DIAPH2: variants seen among roughly 807,000 people sequenced by gnomAD.
The protein encoded by DIAPH2 is protein diaphanous homolog 2.
In DIAPH2, 35 loss-of-function variants were observed where a neutral mutation model predicts 92.7. That is an observed-to-expected ratio of 0.38 (90% CI 0.29 to 0.50). The LOEUF is 0.50. Among genes scored for constraint, DIAPH2 ranks in the 20% least tolerant of loss-of-function variants. DIAPH2 has a pLI of 0.94. For missense variants in DIAPH2, 701 were observed against 819.5 expected (o/e 0.86, Z 1.77); for synonymous variants, 301 against 280.4 (o/e 1.07, Z -0.73).
intron 26 of DIAPH2, among the ~76,000 whole-genome samples, chrX:97,496,239 G>A (rs760521968): frequency 2.1e-5 from 2 of 95,173 alleles, no homozygotes; most frequent in African/African-American, 3.9e-5. Context: ...GCAATGGCGC[G>A]ATCTTGGCTC....
chrX:97,157,844 A>G (rs771599068), intron 22 of DIAPH2, among the ~76,000 whole-genome samples: 42 of 112,412 alleles, frequency 3.7e-4, no homozygotes, highest in African/African-American at 1.3e-3. Context: ...TGTTCTGTCT[A>G]TATTTCTGTT....
At chrX:97,107,375 G>A (rs892022475) in intron 20 of DIAPH2, among the ~76,000 whole-genome samples, 20 of 111,152 alleles carry the variant, frequency 1.8e-4, no homozygotes, top group African/African-American at 6.2e-4. Flanking sequence ...TCTAATGTAC[G>A]AACATTTGGC....
intron 17 of DIAPH2, among the ~76,000 whole-genome samples, chrX:96,974,981 C>T (rs1018883556): frequency 9.0e-5 from 10 of 111,263 alleles, no homozygotes; most frequent in Non-Finnish European, 1.5e-4. Context: ...TTTAATGTTG[C>T]TTGGAGGAAA....
chrX:96,806,195 A>G (rs917100678), intron 4 of DIAPH2, among the ~76,000 whole-genome samples: 10 of 111,855 alleles, frequency 8.9e-5, no homozygotes, highest in Non-Finnish European at 1.7e-4. Context: ...ACAAATTTCT[A>G]CCTCAGTATC....
intron 17 of DIAPH2, among the ~76,000 whole-genome samples, chrX:97,057,821 G>A (rs1245194289): frequency 9.0e-6 from 1 of 111,438 alleles, no homozygotes; most frequent in Non-Finnish European, 1.9e-5. Context: ...GAGTTGTCAT[G>A]TTTCTTTGTT....
chrX:97,413,898 A>G (rs1158171589), intron 25 of DIAPH2, among the ~76,000 whole-genome samples: 1 of 111,687 alleles, frequency 9.0e-6, no homozygotes, highest in Admixed American at 9.5e-5. Context: ...ACGAAATAGA[A>G]GAGGACACAA....
intron 22 of DIAPH2, among the ~76,000 whole-genome samples, chrX:97,146,341 CTT>C (rs1241834821): frequency 9.8e-6 from 1 of 102,397 alleles, no homozygotes; most frequent in African/African-American, 3.5e-5. Context: ...AAAAGATTGT[CTT>C]TTTTTTTTTA....
In DIAPH2 at chrX:97,348,274, G is replaced by A. The variant is rs1336685004; in HGVS notation, c.3003G>A (p.Leu1001=). 3.3e-6 allele frequency: 4 copies of A among 1,198,504 alleles called. No individual in the cohort carries two copies. The highest frequency in any genetic ancestry group is 3.4e-6 in the Non-Finnish European group (3 of 890,398). The part of the protein sequence containing the change: ...FFGDLNNFRT[L]FLEAVRENNK... The stretch of plus-strand genomic sequence containing the variant: ...GTGATCTCAACAACTTCCGAACTTT[G>A]TTTTTGGTAAGTAATACATCTTAAA... Residue 1001 remains leucine, a synonymous_variant, in exon 24 of 27, where the codon TTG becomes TTA. Coordinates refer to ENST00000324765, the MANE Select transcript of DIAPH2 (RefSeq NM_006729.5).
chrX:97,593,493 A>C (rs2071530682), intron 26 of DIAPH2, among the ~76,000 whole-genome samples: 1 of 111,209 alleles, frequency 9.0e-6, no homozygotes, highest in African/African-American at 3.3e-5. Flanking sequence ...AAAAAAAACA[A>C]GTTAAACCTT....
intron 26 of DIAPH2, among the ~76,000 whole-genome samples, chrX:97,567,658 A>G (rs2071336604): frequency 1.8e-5 from 2 of 111,662 alleles, no homozygotes; most frequent in Non-Finnish European, 3.8e-5. Flanking sequence ...TTCCGAGCCC[A>G]GGACAGTGGT....
At chrX:97,035,837 T>G (rs2147882129) in intron 17 of DIAPH2, among the ~76,000 whole-genome samples, 1 of 110,245 alleles carries the variant, frequency 9.1e-6, no homozygotes, top group Non-Finnish European at 1.9e-5. Flanking sequence ...GGTGAGACCC[T>G]GTCTCTACAA....
At chrX:96,694,494 C>T (rs2063814779) in intron 1 of DIAPH2, among the ~76,000 whole-genome samples, 1 of 110,616 alleles carries the variant, frequency 9.0e-6, no homozygotes. Context: ...GCATGCACCA[C>T]CACGCCCAGC....
chrX:97,385,450 C>A (rs1235582063), intron 25 of DIAPH2, among the ~76,000 whole-genome samples: 1 of 110,900 alleles, frequency 9.0e-6, no homozygotes, highest in Non-Finnish European at 1.9e-5. Flanking sequence ...CCAGGCTGGT[C>A]TCGAACTCCT....
rs776822201 is a variant in DIAPH2, at chrX:96,819,104, G to C, written c.447+60846G>C. On this transcript the variant is annotated intron_variant, in intron 4 of 26. Coordinates refer to ENST00000324765, the MANE Select transcript of DIAPH2 (RefSeq NM_006729.5). Reference sequence around the variant, plus strand: ...GCCCGCTGCTCACCTCCTGCTGTGAGGTATGGTTCCTAACAAGCCACAGTA... The same window carrying C: ...GCCCGCTGCTCACCTCCTGCTGTGACGTATGGTTCCTAACAAGCCACAGTA... 5.3e-5 allele frequency among the ~76,000 whole-genome samples: 6 copies of C among 112,347 alleles called. 1 individual carries two copies. The South Asian group carries it at 2.3e-3, about 42-fold the overall frequency.
chrX:96,876,269 G>C (rs1323923596), intron 4 of DIAPH2, among the ~76,000 whole-genome samples: 3 of 111,570 alleles, frequency 2.7e-5, no homozygotes, highest in African/African-American at 9.8e-5. Context: ...AACAGGTGCT[G>C]GAGAGGATGT....
chrX:96,927,717 A>C (rs2065593451), intron 9 of DIAPH2, among the ~76,000 whole-genome samples: 2 of 111,435 alleles, frequency 1.8e-5, no homozygotes, highest in African/African-American at 6.5e-5. Context: ...ATGTGTTCAC[A>C]TGCATATACA....
chrX:97,307,368 G>A (rs1370659359), intron 23 of DIAPH2, among the ~76,000 whole-genome samples: 1 of 111,163 alleles, frequency 9.0e-6, no homozygotes, highest in Non-Finnish European at 1.9e-5. Context: ...AAACACTCCT[G>A]CACTTCATCT....
chrX:97,211,963 A>G (rs867347379), intron 22 of DIAPH2, among the ~76,000 whole-genome samples: 1 of 111,762 alleles, frequency 8.9e-6, no homozygotes, highest in Non-Finnish European at 1.9e-5. Flanking sequence ...AGAAAATCAC[A>G]AAACAGATAC....
intron 23 of DIAPH2, among the ~76,000 whole-genome samples, chrX:97,294,721 G>A (rs1284796064): frequency 9.0e-6 from 1 of 111,242 alleles, no homozygotes; most frequent in Non-Finnish European, 1.9e-5. Context: ...AACATATGTA[G>A]GTCATAAAAT....
Sources: gnomAD v4.1 joint callset for allele counts (sites outside exome capture counted in the v4.1 genomes callset) on GRCh38, gnomAD v4.1.1 for gene constraint, MANE v1.5 for transcripts, NCBI Gene and HGNC (gene_info 2026-07-23, HGNC 2026-07-21) for gene names.